Variants in PAK1 observed in about 807,000 individuals in gnomAD.
PAK1 encodes the protein p21 (RAC1) activated kinase 1.
PAK1 carries 29 observed loss-of-function variants against 67.4 expected under a neutral mutation model. The observed-to-expected ratio is 0.43, with a 90% CI of 0.32 to 0.59. The LOEUF is 0.59. PAK1 is among the 20% of genes least tolerant of loss of function. PAK1 has a pLI of 0.07. For missense variants in PAK1, 337 were observed against 670.7 expected, an observed-to-expected ratio of 0.50 and a Z score of 5.50; for synonymous variants, 223 against 237.4, an observed-to-expected ratio of 0.94 and a Z score of 0.56.
Position 77,365,263 on chromosome 11 carries a change from A to AAAAG in PAK1, c.478-6247_478-6246insCTTT, listed in dbSNP as rs1555152739. Among the ~76,000 whole-genome samples, 153 of 116,256 alleles carry AAAAG rather than the reference A, an allele frequency of 1.3e-3. 2 individuals are homozygous for AAAAG. In the East Asian group the frequency reaches 0.017, roughly 13 times the overall value. 76.3% of individuals were successfully genotyped at this position (116,256 alleles called of 152,430 possible). ...CAAGACTCTGTCTCAAAAAAAAAAA[A>AAAAG]AAAAAGAAAAAAGAAAAAAGAAAAT... On this transcript the variant is annotated intron_variant, in intron 5 of 14. Coordinates refer to ENST00000356341, the MANE Select transcript of PAK1 (RefSeq NM_002576.5).
chr11:77,393,272 CT>C (rs1951376201), intron 1 of PAK1, among the ~76,000 whole-genome samples: 2 of 112,572 alleles, frequency 1.8e-5, no homozygotes, highest in Non-Finnish European at 4.0e-5. Context: ...CTACCTTGTT[CT>C]TTAAAAAAAA....
At chr11:77,326,636 T>C (rs192446575) in intron 14 of PAK1, among the ~76,000 whole-genome samples, 162 of 152,238 alleles carry the variant, frequency 1.1e-3, no homozygotes, top group South Asian at 2.3e-3. Context: ...CAGTGAGCCA[T>C]GATTGCGCCA....
intron 9 of PAK1, chr11:77,347,126 C>T (rs1182356994): frequency 2.2e-6 from 1 of 454,566 alleles, no homozygotes; most frequent in Non-Finnish European, 4.4e-6. Flanking sequence ...ATTAGCCACC[C>T]TGATGGACTC....
intron 14 of PAK1, among the ~76,000 whole-genome samples, chr11:77,329,984 C>T (rs1941070533): frequency 6.6e-6 from 1 of 151,768 alleles, no homozygotes; most frequent in East Asian, 1.9e-4. Flanking sequence ...TTCTTATACA[C>T]CAATGACAGA....
At chr11:77,495,179 T>A in the PAK1 span, among the ~76,000 whole-genome samples, 1 of 146,768 alleles carries the variant, frequency 6.8e-6, no homozygotes, top group African/African-American at 2.6e-5. Context: ...AAAAAATTTT[T>A]TTTTAAATTA....
At chr11:77,475,551 A>G (rs933754145), upstream of PAK1, 1 of 152,202 alleles carries the variant, frequency 6.6e-6, no homozygotes, top group African/African-American at 2.4e-5. Flanking sequence ...TTTTGCTCCA[A>G]GCACACTGAA....
At chr11:77,357,871 T>C (rs1255119969) in intron 6 of PAK1, among the ~76,000 whole-genome samples, 1 of 151,940 alleles carries the variant, frequency 6.6e-6, no homozygotes, top group Non-Finnish European at 1.5e-5. Context: ...CCTCTACTTT[T>C]TGAGGTGTTC....
chr11:77,400,967 T>A (rs1952597409), intron 1 of PAK1, among the ~76,000 whole-genome samples: 1 of 152,192 alleles, frequency 6.6e-6, no homozygotes, highest in Admixed American at 6.5e-5. Context: ...GGCAGGAACC[T>A]GAAATTAGGC....
intron 1 of PAK1, among the ~76,000 whole-genome samples, chr11:77,457,470 G>A (rs1478396601): frequency 2.0e-5 from 3 of 152,198 alleles, no homozygotes; most frequent in Non-Finnish European, 4.4e-5. Context: ...GGCTGGGACC[G>A]TGTGCTTCCA....
intron 9 of PAK1, among the ~76,000 whole-genome samples, chr11:77,348,051 C>T (rs1374444272): frequency 1.3e-5 from 2 of 152,098 alleles, no homozygotes; most frequent in Non-Finnish European, 2.9e-5. Context: ...TAGGTGGAGC[C>T]TTAATATTTG....
At chr11:77,356,616 A>G (rs936193232) in intron 6 of PAK1, among the ~76,000 whole-genome samples, 1 of 152,136 alleles carries the variant, frequency 6.6e-6, no homozygotes, top group Non-Finnish European at 1.5e-5. Context: ...GTAGGAGTAA[A>G]CTGATTAATA....
intron 8 of PAK1, chr11:77,353,197 T>C (rs776296787): frequency 2.3e-5 from 5 of 220,346 alleles, no homozygotes; most frequent in Non-Finnish European, 4.5e-5. Context: ...CCATTTTATA[T>C]TAGTGCTGGT....
intron 14 of PAK1, among the ~76,000 whole-genome samples, chr11:77,323,991 A>G (rs1032810382): frequency 6.6e-6 from 1 of 152,214 alleles, no homozygotes; most frequent in African/African-American, 2.4e-5. Flanking sequence ...TTATTGTTCT[A>G]TCCTCAAATC....
chr11:77,375,414 GA>G (rs1948967400), intron 4 of PAK1, among the ~76,000 whole-genome samples: 3 of 152,180 alleles, frequency 2.0e-5, no homozygotes, highest in Admixed American at 6.5e-5. Flanking sequence ...TAAGGTTGAG[GA>G]AAAGAGAGGT....
At chr11:77,394,834 ACT>A (rs968339140) in intron 1 of PAK1, among the ~76,000 whole-genome samples, 21 of 149,078 alleles carry the variant, frequency 1.4e-4, no homozygotes, top group African/African-American at 4.4e-4. Flanking sequence ...ACAGAGCAAG[ACT>A]CTGTCTCAAA....
upstream of PAK1, chr11:77,474,847 A>G (rs985647378): frequency 2.6e-5 from 4 of 152,144 alleles, no homozygotes; most frequent in Non-Finnish European, 4.4e-5. Flanking sequence ...GTATTTCCCA[A>G]TACCTCCCGA....
chr11:77,423,126 A>G (rs1648785526), intron 1 of PAK1, among the ~76,000 whole-genome samples: 1 of 152,074 alleles, frequency 6.6e-6, no homozygotes, highest in South Asian at 2.1e-4. Context: ...GAATCAAGAA[A>G]AAGATGCTTC....
intron 5 of PAK1, among the ~76,000 whole-genome samples, chr11:77,373,399 C>T (rs1043463017): frequency 8.6e-5 from 13 of 151,828 alleles, no homozygotes; most frequent in Admixed American, 7.9e-4. Context: ...GACAATTTGA[C>T]ATCACACTCA....
At chr11:77,429,045 C>T (rs1443755581) in intron 1 of PAK1, among the ~76,000 whole-genome samples, 1 of 85,394 alleles carries the variant, frequency 1.2e-5, no homozygotes, top group East Asian at 3.7e-4. Flanking sequence ...ATTCTAAATG[C>T]CATTTAATAC....
Sources: gnomAD v4.1 joint callset for allele counts (sites outside exome capture counted in the v4.1 genomes callset) on GRCh38, gnomAD v4.1.1 for gene constraint, MANE v1.5 for transcripts, NCBI Gene and HGNC (gene_info 2026-07-23, HGNC 2026-07-21) for gene names.